Variants in SCAPER observed in about 807,000 individuals in gnomAD.
SCAPER encodes S-phase cyclin A associated protein in the ER.
A neutral mutation model predicts 182.2 loss-of-function variants in SCAPER; 98 were observed. That is an observed-to-expected ratio of 0.54 (90% CI 0.46 to 0.64). The LOEUF (loss-of-function observed/expected upper bound fraction) is 0.64. SCAPER is among the 30% of genes least tolerant of loss of function. The probability of loss-of-function intolerance (pLI) is 0.00; values close to 1 mark genes in which losing one functional copy is unlikely to be tolerated. For missense variants in SCAPER, 1,432 were observed against 1,690.0 expected, an observed-to-expected ratio of 0.85 and a Z score of 2.68; for synonymous variants, 605 against 564.6, an observed-to-expected ratio of 1.07 and a Z score of -1.01.
intron 29 of SCAPER, among the ~76,000 whole-genome samples, chr15:76,373,539 A>G (rs770683742): frequency 6.6e-5 from 10 of 152,212 alleles, no homozygotes; most frequent in Non-Finnish European, 1.5e-4. Context: ...CAGAGAGGAC[A>G]GAGCATCCCC....
At chr15:76,858,238 C>A (rs1338684618) in intron 3 of SCAPER, among the ~76,000 whole-genome samples, 2 of 152,110 alleles carry the variant, frequency 1.3e-5, no homozygotes, top group Non-Finnish European at 2.9e-5. Flanking sequence ...GGAAATAGTT[C>A]TTTAAGTTCA....
chr15:76,512,167 C>T (rs984001263), intron 23 of SCAPER, among the ~76,000 whole-genome samples: 4 of 151,900 alleles, frequency 2.6e-5, no homozygotes, highest in Non-Finnish European at 5.9e-5. Flanking sequence ...GGATTACAGG[C>T]GTGAGCCACC....
At chr15:76,650,024 A>C (rs1038453099) in intron 21 of SCAPER, among the ~76,000 whole-genome samples, 1 of 152,208 alleles carries the variant, frequency 6.6e-6, no homozygotes, top group Admixed American at 6.5e-5. Context: ...ATGAAGAAGT[A>C]AAATGTATGA....
chr15:76,366,247 A>C (rs989386234), intron 29 of SCAPER, among the ~76,000 whole-genome samples: 1 of 152,162 alleles, frequency 6.6e-6, no homozygotes, highest in Non-Finnish European at 1.5e-5. Context: ...TAGGGTCTGG[A>C]ACTTTCCTGT....
intron 23 of SCAPER, among the ~76,000 whole-genome samples, chr15:76,554,335 A>G (rs1378695737): frequency 6.6e-6 from 1 of 152,244 alleles, no homozygotes; most frequent in Non-Finnish European, 1.5e-5. Context: ...GGATTACATA[A>G]AGATACTAAG....
intron 2 of SCAPER, among the ~76,000 whole-genome samples, chr15:76,876,779 A>C (rs1163467005): frequency 1.3e-5 from 2 of 152,250 alleles, no homozygotes. Context: ...GAAAAAGACA[A>C]GGATGCCTAC....
At chr15:76,414,533 T>C (rs2045522986) in intron 26 of SCAPER, among the ~76,000 whole-genome samples, 1 of 151,236 alleles carries the variant, frequency 6.6e-6, no homozygotes, top group Non-Finnish European at 1.5e-5. Context: ...TAAGAAACGA[T>C]GGAAGCCAGA....
At chr15:76,653,384 C>A (rs888181229) in intron 21 of SCAPER, among the ~76,000 whole-genome samples, 2 of 151,990 alleles carry the variant, frequency 1.3e-5, no homozygotes, top group Non-Finnish European at 2.9e-5. Context: ...TCATATGGAA[C>A]CAAAAAAGAG....
At chr15:76,459,590 G>A (rs2049002387) in intron 25 of SCAPER, among the ~76,000 whole-genome samples, 1 of 146,870 alleles carries the variant, frequency 6.8e-6, no homozygotes, top group Admixed American at 6.9e-5. Context: ...TTGCTTGTTG[G>A]ATGAATAGTT....
At chr15:76,764,005 C>A (rs902542515) in intron 14 of SCAPER, among the ~76,000 whole-genome samples, 2 of 151,872 alleles carry the variant, frequency 1.3e-5, no homozygotes, top group South Asian at 4.2e-4. Flanking sequence ...TTGGTGGTAT[C>A]AAGTTTTCCT....
chr15:76,825,752 T>C (rs554925552), intron 5 of SCAPER, among the ~76,000 whole-genome samples: 2 of 152,286 alleles, frequency 1.3e-5, no homozygotes, highest in Admixed American at 6.5e-5. Context: ...TTTCTTTTGT[T>C]TTGTTTTTTT....
At chr15:76,830,207 A>G (rs55864032) in intron 5 of SCAPER, among the ~76,000 whole-genome samples, 57,980 of 152,022 alleles carry the variant, frequency 0.38, 13,058 homozygotes, top group Middle Eastern at 0.52. Flanking sequence ...TCTGATTTAC[A>G]TGGGGCAGAA....
chr15:76,827,176 C>T (rs1405120633), intron 5 of SCAPER, among the ~76,000 whole-genome samples: 1 of 152,174 alleles, frequency 6.6e-6, no homozygotes, highest in Non-Finnish European at 1.5e-5. Context: ...TCTTTCTTTC[C>T]ATTTCCTCTC....
chr15:76,660,025 T>TG (rs1363133707), intron 21 of SCAPER, among the ~76,000 whole-genome samples: 1 of 152,060 alleles, frequency 6.6e-6, no homozygotes, highest in Non-Finnish European at 1.5e-5. Flanking sequence ...ACAAAGAAAA[T>TG]GGGGTACATA....
At chr15:76,807,396 C>T (rs1207506993) in intron 5 of SCAPER, among the ~76,000 whole-genome samples, 1 of 152,126 alleles carries the variant, frequency 6.6e-6, no homozygotes, top group Non-Finnish European at 1.5e-5. Context: ...TGGACTAAAT[C>T]CCACTGGGTC....
chr15:76,450,449 A>AT (rs1260260963), intron 25 of SCAPER, among the ~76,000 whole-genome samples: 5 of 152,082 alleles, frequency 3.3e-5, no homozygotes, highest in African/African-American at 7.2e-5. Flanking sequence ...TGGAAAGAGT[A>AT]TTTTTTTCCC....
intron 20 of SCAPER, 39 bp downstream of exon 20, chr15:76,701,719 C>G: frequency 6.8e-7 from 1 of 1,467,040 alleles, no homozygotes; most frequent in Non-Finnish European, 9.5e-7. Flanking sequence ...ATATTGGGTA[C>G]TCAATAAACA....
chr15:76,797,103 T>G (rs2065384522), intron 7 of SCAPER: 2 of 152,118 alleles, frequency 1.3e-5, no homozygotes, highest in South Asian at 4.1e-4. Flanking sequence ...TATCCAAGGT[T>G]GAGCAGTAAC....
At chr15:76,471,432 A>G in intron 24 of SCAPER, 97 bp from the exon 25 acceptor site, 1 of 1,352,748 alleles carries the variant, frequency 7.4e-7, no homozygotes, top group Non-Finnish European at 9.7e-7. Flanking sequence ...GCCAACAGGC[A>G]TGAGATGGAA....
Sources: allele counts gnomAD v4.1 joint callset (sites outside exome capture counted in the v4.1 genomes callset), GRCh38; gene constraint gnomAD v4.1.1; transcripts MANE v1.5; gene names NCBI Gene and HGNC (gene_info 2026-07-23, HGNC 2026-07-21).